RIMS2: variants seen among roughly 807,000 people sequenced by gnomAD.
The protein encoded by RIMS2 is regulating synaptic membrane exocytosis 2.
In RIMS2, 59 loss-of-function variants were observed where a neutral mutation model predicts 174.4. That is an observed-to-expected ratio of 0.34 (90% CI 0.27 to 0.42). The LOEUF is 0.42. RIMS2 is among the 10% of genes least tolerant of loss of function. RIMS2 has a pLI of 1.00. For missense variants in RIMS2, 1,620 were observed against 1,666.3 expected (o/e 0.97, Z 0.48); for synonymous variants, 606 against 572.5 (o/e 1.06, Z -0.84).
At chr8:103,817,092 T>C (rs2098722504) in intron 3 of RIMS2, among the ~76,000 whole-genome samples, 1 of 152,194 alleles carries the variant, frequency 6.6e-6, no homozygotes, top group East Asian at 1.9e-4. Context: ...AATGTTTGTT[T>C]ACACTTGTAG....
chr8:103,883,435 A>G (rs1371530417), intron 3 of RIMS2, among the ~76,000 whole-genome samples: 1 of 151,784 alleles, frequency 6.6e-6, no homozygotes, highest in Non-Finnish European at 1.5e-5. Flanking sequence ...ACACACACAT[A>G]TACACAGAAA....
At chr8:103,517,231 A>G (rs1167470985) in intron 1 of RIMS2, among the ~76,000 whole-genome samples, 4 of 152,240 alleles carry the variant, frequency 2.6e-5, no homozygotes, top group African/African-American at 9.6e-5. Flanking sequence ...GGAAGTCTTT[A>G]TAACCAAAGA....
intron 19 of RIMS2, among the ~76,000 whole-genome samples, chr8:104,051,835 T>C (rs2096792522): frequency 6.6e-6 from 1 of 152,238 alleles, no homozygotes; most frequent in Non-Finnish European, 1.5e-5. Flanking sequence ...ATAGTTGTGC[T>C]GATTAAGTGA....
chr8:103,504,502 A>G (rs1262243859), intron 1 of RIMS2, among the ~76,000 whole-genome samples: 1 of 152,192 alleles, frequency 6.6e-6, no homozygotes, highest in Admixed American at 6.5e-5. Context: ...CTAAATCAAT[A>G]GAAAAGTATT....
At chr8:103,998,876 A>G (rs1255505479) in intron 17 of RIMS2, among the ~76,000 whole-genome samples, 2 of 151,818 alleles carry the variant, frequency 1.3e-5, no homozygotes, top group African/African-American at 4.8e-5. Flanking sequence ...CAATGCCTTA[A>G]GGAAATATAA....
At chr8:103,858,976 T>C (rs2099043555) in intron 3 of RIMS2, among the ~76,000 whole-genome samples, 1 of 152,084 alleles carries the variant, frequency 6.6e-6, no homozygotes, top group African/African-American at 2.4e-5. Context: ...GCAATAGATA[T>C]AGATAATTAA....
At chr8:103,598,949 C>G (rs1185461763) in intron 1 of RIMS2, among the ~76,000 whole-genome samples, 2 of 151,652 alleles carry the variant, frequency 1.3e-5, no homozygotes, top group Admixed American at 1.3e-4. Context: ...ATTGATGTAT[C>G]TGTTAGCTAA....
At chr8:103,950,046 A>T (rs2084940876) in intron 14 of RIMS2, among the ~76,000 whole-genome samples, 1 of 152,148 alleles carries the variant, frequency 6.6e-6, no homozygotes, top group Non-Finnish European at 1.5e-5. Flanking sequence ...AATTTCCTTG[A>T]AACACACAAA....
At chr8:103,813,236 G>C (rs1278581392) in intron 3 of RIMS2, among the ~76,000 whole-genome samples, 3 of 152,180 alleles carry the variant, frequency 2.0e-5, no homozygotes, top group Admixed American at 2.0e-4. Context: ...TATCAGGTTA[G>C]AGGCTTGTGT....
At chr8:103,975,900 G>C (rs2093374135) in intron 16 of RIMS2, 1 of 155,040 alleles carries the variant, frequency 6.4e-6, no homozygotes, top group Non-Finnish European at 1.4e-5. Context: ...AAAGAAGCCA[G>C]AAAACTTAGC....
At chr8:104,133,451 A>G (rs1199098650) in intron 19 of RIMS2, among the ~76,000 whole-genome samples, 1 of 152,116 alleles carries the variant, frequency 6.6e-6, no homozygotes, top group Admixed American at 6.5e-5. Context: ...GTGCAGAACA[A>G]TTAGGTTTAT....
At chr8:104,022,945 G>A (rs146299842) in intron 19 of RIMS2, among the ~76,000 whole-genome samples, 4 of 152,126 alleles carry the variant, frequency 2.6e-5, no homozygotes, top group Middle Eastern at 3.4e-3. Flanking sequence ...TTTCACATAC[G>A]CTAACTTGGT....
chr8:103,808,519 C>T (rs1052250300), intron 3 of RIMS2, among the ~76,000 whole-genome samples: 4 of 152,256 alleles, frequency 2.6e-5, no homozygotes, highest in South Asian at 2.1e-4. Context: ...TGCAGAGTGA[C>T]ATATTTAATT....
chr8:104,012,353 T>C (rs929064648), intron 17 of RIMS2, among the ~76,000 whole-genome samples: 13 of 147,076 alleles, frequency 8.8e-5, no homozygotes, highest in African/African-American at 3.2e-4. Flanking sequence ...GTCCTTTTTT[T>C]CTTTTTTTTT....
At chr8:103,721,055 A>G (rs2097440673) in intron 2 of RIMS2, among the ~76,000 whole-genome samples, 1 of 152,088 alleles carries the variant, frequency 6.6e-6, no homozygotes, top group African/African-American at 2.4e-5. Context: ...TCCTTCATGA[A>G]TGGTTTAGCA....
chr8:103,867,908 A>G (rs1362062399), intron 3 of RIMS2, among the ~76,000 whole-genome samples: 1 of 152,048 alleles, frequency 6.6e-6, no homozygotes, highest in Non-Finnish European at 1.5e-5. Context: ...CTGAAAATTT[A>G]TATACCAAAA....
intron 17 of RIMS2, among the ~76,000 whole-genome samples, chr8:104,006,521 G>A (rs1441065797): frequency 2.0e-5 from 3 of 151,970 alleles, no homozygotes; most frequent in African/African-American, 7.3e-5. Flanking sequence ...TTGTACTCCA[G>A]CCTGGGCAAC....
At chr8:104,003,565 C>G (rs972192120) in intron 17 of RIMS2, among the ~76,000 whole-genome samples, 1 of 152,080 alleles carries the variant, frequency 6.6e-6, no homozygotes. Context: ...AAGCATGTGC[C>G]ACTGCATCTG....
chr8:103,850,981 A>C (rs1407411032), intron 3 of RIMS2, among the ~76,000 whole-genome samples: 1 of 152,038 alleles, frequency 6.6e-6, no homozygotes, highest in Non-Finnish European at 1.5e-5. Context: ...ATGCTAAAGA[A>C]TATCCTATTC....
Sources: gnomAD v4.1 joint callset for allele counts (sites outside exome capture counted in the v4.1 genomes callset) on GRCh38, gnomAD v4.1.1 for gene constraint, MANE v1.5 for transcripts, NCBI Gene and HGNC (gene_info 2026-07-23, HGNC 2026-07-21) for gene names.